PAK3: variants seen among roughly 807,000 people sequenced by gnomAD.
The protein encoded by PAK3 is p21 (RAC1) activated kinase 3.
A neutral mutation model predicts 41.0 loss-of-function variants in PAK3; 4 were observed. That is an observed-to-expected ratio of 0.10 (90% CI 0.05 to 0.22). PAK3 has a LOEUF of 0.22. Among genes scored for constraint, PAK3 ranks in the 10% least tolerant of loss-of-function variants. PAK3 has a pLI of 1.00. For missense variants in PAK3, 205 were observed against 409.9 expected, an observed-to-expected ratio of 0.50 and a Z score of 4.32; for synonymous variants, 146 against 139.6, an observed-to-expected ratio of 1.05 and a Z score of -0.32.
rs1269171714 is a variant in PAK3, at chrX:111,225,074, A to G, written c.*4627A>G. 1 of 112,352 alleles carries G rather than the reference A, an allele frequency of 8.9e-6. No homozygotes were observed. The highest frequency in any genetic ancestry group is 1.9e-5 in the Non-Finnish European group (1 of 53,311). The allele number at this position is 112,352 out of a possible 1,213,427, so 9.3% of individuals were successfully genotyped here. ...GCCTGGGATTTGAAGTGAACTCAGC[A>G]CACAATTCTGAACGTGTATTTGCAT... On this transcript the variant is annotated 3_prime_UTR_variant, in exon 18 of 18. Transcript: ENST00000372007.
At chrX:111,193,709 A>G (rs1305288903) in intron 13 of PAK3, among the ~76,000 whole-genome samples, 2 of 111,069 alleles carry the variant, frequency 1.8e-5, no homozygotes, top group African/African-American at 6.6e-5. Flanking sequence ...CACCTGCAAC[A>G]GAGTAACCTA....
chrX:111,137,736 C>G (rs1188420674), intron 5 of PAK3, among the ~76,000 whole-genome samples: 1 of 111,208 alleles, frequency 9.0e-6, no homozygotes, highest in African/African-American at 3.3e-5. Flanking sequence ...ACCAGAACTC[C>G]CAATAGATCT....
intron 1 of PAK3, among the ~76,000 whole-genome samples, chrX:111,009,818 A>G (rs1371145187): frequency 8.9e-6 from 1 of 112,088 alleles, no homozygotes; most frequent in African/African-American, 3.2e-5. Flanking sequence ...TCATAAATGA[A>G]TCCTTACAAT....
chrX:111,089,302 T>C (rs754844755), intron 1 of PAK3, among the ~76,000 whole-genome samples: 7 of 112,515 alleles, frequency 6.2e-5, no homozygotes, highest in Non-Finnish European at 9.4e-5. Flanking sequence ...AAGAAAGCTA[T>C]AAAAGATGTT....
chrX:110,983,575 A>C (rs981124116), intron 1 of PAK3, among the ~76,000 whole-genome samples: 2 of 109,719 alleles, frequency 1.8e-5, no homozygotes, highest in Non-Finnish European at 3.8e-5. Context: ...ATCTTGAGAA[A>C]CTGGTAGGAA....
intron 1 of PAK3, among the ~76,000 whole-genome samples, chrX:111,012,152 G>T (rs941696691): frequency 9.0e-6 from 1 of 111,466 alleles, no homozygotes; most frequent in African/African-American, 3.3e-5. Flanking sequence ...TAAATATGGT[G>T]GGAAAGATTG....
At chrX:111,131,554 CAAA>C (rs751731708) in intron 5 of PAK3, among the ~76,000 whole-genome samples, 1 of 99,220 alleles carries the variant, frequency 1.0e-5, no homozygotes, top group Non-Finnish European at 2.1e-5. Flanking sequence ...ATTTCCAATG[CAAA>C]AAAAAAAATA....
At chrX:111,083,940 G>A (rs2092857574) in intron 1 of PAK3, among the ~76,000 whole-genome samples, 1 of 112,758 alleles carries the variant, frequency 8.9e-6, no homozygotes, top group Non-Finnish European at 1.9e-5. Flanking sequence ...AGTGGTGATC[G>A]TGGCCTTGCC....
intron 1 of PAK3, among the ~76,000 whole-genome samples, chrX:110,985,024 G>T: frequency 9.0e-6 from 1 of 111,674 alleles, no homozygotes; most frequent in Non-Finnish European, 1.9e-5. Context: ...ACCTACTCAG[G>T]AGGCTGAGGT....
Position 111,033,463 on chromosome X carries a change from G to A in PAK3, c.-28+88835G>A, listed in dbSNP as rs146296018. 3.2e-3 allele frequency among the ~76,000 whole-genome samples: 358 copies of A among 111,980 alleles called. 1 individual carries two copies. Among genetic ancestry groups the A allele is most frequent in the Middle Eastern group, 9.2e-3 (2 of 218 alleles). ...CATTGACTGCACTCACCTTGCTGTC[G>A]CTGCTGACTCAATGAAATGGAACTT... is the stretch of plus-strand genomic sequence containing the variant. On this transcript the variant is annotated intron_variant, in intron 1 of 14. Coordinates refer to the PAK3 transcript ENST00000425146.
intron 16 of PAK3, among the ~76,000 whole-genome samples, chrX:111,202,577 A>T (rs1386475416): frequency 8.9e-6 from 1 of 112,106 alleles, no homozygotes; most frequent in Non-Finnish European, 1.9e-5. Context: ...GATATCATCA[A>T]CTTTTTTGTT....
intron 5 of PAK3, among the ~76,000 whole-genome samples, chrX:111,140,071 A>G (rs1188891919): frequency 1.8e-5 from 2 of 111,104 alleles, no homozygotes; most frequent in African/African-American, 6.5e-5. Flanking sequence ...GCCCCGGTAC[A>G]TTTGTATTTG....
At chrX:111,067,420 G>C in intron 1 of PAK3, among the ~76,000 whole-genome samples, 1 of 111,503 alleles carries the variant, frequency 9.0e-6, no homozygotes, top group Non-Finnish European at 1.9e-5. Context: ...AGCTCAGAAA[G>C]AGTAAGCAAT....
chrX:110,986,468 T>C lies in PAK3; in HGVS notation c.-28+41840T>C, dbSNP rs985007225. 3.6e-5 allele frequency among the ~76,000 whole-genome samples: 4 copies of C among 111,907 alleles called. No homozygotes were observed. In the East Asian group the frequency reaches 1.1e-3, roughly 31 times the overall value. The stretch of plus-strand genomic sequence containing the variant: ...AATCCTCATTGTTAAGATGTTATCA[T>C]GCTCATGGGCATAACAGAAATTACT... On this transcript the variant is annotated intron_variant, in intron 1 of 14. Coordinates refer to the PAK3 transcript ENST00000425146.
chrX:111,041,944 G>GTCTTTATTACTGCATATATATT (rs1441511906), intron 1 of PAK3, among the ~76,000 whole-genome samples: 1 of 111,663 alleles, frequency 9.0e-6, no homozygotes, highest in African/African-American at 3.3e-5. Context: ...ATATATGTGT[G>GTCTTTATTACTGCATATATATT]TCTTTATTAC....
chrX:111,029,690 C>A (rs1011930394), intron 1 of PAK3, among the ~76,000 whole-genome samples: 6 of 111,974 alleles, frequency 5.4e-5, no homozygotes, highest in African/African-American at 1.9e-4. Context: ...ACATATCAAG[C>A]AATCAACTTT....
At chrX:111,091,696 G>A (rs1000879789), upstream of PAK3, among the ~76,000 whole-genome samples, 2 of 111,811 alleles carry the variant, frequency 1.8e-5, no homozygotes, top group African/African-American at 6.5e-5. Context: ...CCACAGAAGA[G>A]CTTGAGACCC....
rs761608217 is a variant in PAK3 at position 111,088,896 on chromosome X, G to A, written c.-27-34181G>A. Reference sequence around the variant, plus strand: ...GTCCATTCTCCCAGCCTGATTAATGGCAGGGCTGCTTTTTCTTAGCTCAAA... The same window carrying A: ...GTCCATTCTCCCAGCCTGATTAATGACAGGGCTGCTTTTTCTTAGCTCAAA... On this transcript the variant is annotated intron_variant, in intron 1 of 14. Coordinates refer to the PAK3 transcript ENST00000425146. Among the ~76,000 whole-genome samples the A allele has an allele frequency of 8.9e-5, 10 of 111,824 alleles. No individual in the cohort carries two copies. The East Asian group carries it at 2.8e-3, about 31-fold the overall frequency.
chrX:111,207,706 T>C (rs2094769250), intron 16 of PAK3, among the ~76,000 whole-genome samples: 1 of 112,115 alleles, frequency 8.9e-6, no homozygotes, highest in African/African-American at 3.2e-5. Flanking sequence ...GGACAAGATA[T>C]AGAGAGGGGA....
Sources: gnomAD v4.1 joint callset for allele counts (sites outside exome capture counted in the v4.1 genomes callset) on GRCh38, gnomAD v4.1.1 for gene constraint, MANE v1.5 for transcripts, NCBI Gene and HGNC (gene_info 2026-07-23, HGNC 2026-07-21) for gene names.